The following PCDHGA5 variants were observed in gnomAD, a reference collection of about 807,000 sequenced individuals.
PCDHGA5 encodes protocadherin gamma-A5.
A neutral mutation model predicts 56.7 loss-of-function variants in PCDHGA5; 36 were observed. The ratio of observed to expected loss-of-function variants is 0.64; its 90% CI spans 0.49 to 0.84. The LOEUF (loss-of-function observed/expected upper bound fraction) is 0.84. Among genes scored for constraint, PCDHGA5 ranks in the 40% least tolerant of loss-of-function variants. The pLI is 0.00. For synonymous variants in PCDHGA5, 563 were observed against 520.2 expected (o/e 1.08, Z -1.12); for missense variants, 1,305 against 1,201.5 (o/e 1.09, Z -1.27).
At position 141,433,030 on chromosome 5, in the gene PCDHGA5, T is replaced by C. The variant is rs116611363; in HGVS notation, c.2422-61777T>C. ...TCCTGCAGACCTATTCCCACGAGGTTTCCCTCACCACGGACTCGCGGAAGA... is the reference window on the plus strand; with the variant it reads ...TCCTGCAGACCTATTCCCACGAGGTCTCCCTCACCACGGACTCGCGGAAGA... On this transcript the variant is annotated intron_variant, in intron 1 of 3. Transcript: ENST00000518069. 10,352 of 1,614,096 alleles carry C rather than the reference T, an allele frequency of 6.4e-3. 43 individuals are homozygous for C. The highest frequency in any genetic ancestry group is 8.6e-3 in the Middle Eastern group (52 of 6,062).
chr5:141,490,200 A>G lies in PCDHGA5; in HGVS notation c.2422-4607A>G. 6.2e-6 allele frequency: 10 copies of G among 1,614,198 alleles called. No homozygotes were observed. The highest frequency in any genetic ancestry group is 8.5e-6 in the Non-Finnish European group (10 of 1,180,032). ...AGTCACGTTTCTATGAAATTCATGC[A>G]AGAGCCCGTGACCAGGGACAGCCTG... On this transcript the variant is annotated intron_variant, in intron 1 of 3. Coordinates refer to ENST00000518069, the MANE Select transcript of PCDHGA5 (RefSeq NM_018918.3). The surrounding 1 kb of genome is among the most constrained non-coding windows in gnomAD (Gnocchi z 5.4).
rs1427052612 is a variant in PCDHGA5 at position 141,493,002 on chromosome 5, A to G, written c.2422-1805A>G. Among the ~76,000 whole-genome samples, 4 of 152,246 alleles carry G rather than the reference A, an allele frequency of 2.6e-5. No individual in the cohort carries two copies. The highest frequency in any genetic ancestry group is 2.1e-4 in the South Asian group (1 of 4,832). On this transcript the variant is annotated intron_variant, in intron 1 of 3. Transcript: ENST00000518069. This position sits in a 1 kb window ranked among gnomAD's most constrained non-coding sequence, Gnocchi z 4.3. ...TCTCCTCTGGCAGATGGAAAGCTAT[A>G]GGCTCTGCCAGATGCCAGGGTGCCC... is the stretch of plus-strand genomic sequence containing the variant.
At chr5:141,421,870 G>A in intron 1 of PCDHGA5, 1 of 1,613,758 alleles carries the variant, frequency 6.2e-7, no homozygotes, top group Non-Finnish European at 8.5e-7. Flanking sequence ...CCTCCTCACA[G>A]CTTTAGATGG....
chr5:141,487,467 T>C lies in PCDHGA5; in HGVS notation c.2422-7340T>C. ...GATGACCCTATCAAGTTTGTTGATG[T>C]GGGAGGCCACTCTCATGGCTGTACA... On this transcript the variant is annotated intron_variant, in intron 1 of 3. Transcript: ENST00000518069. The surrounding 1 kb of genome is among the most constrained non-coding windows in gnomAD (Gnocchi z 5.0). 6.2e-7 allele frequency: 1 copy of C among 1,614,186 alleles called. No individual in the cohort carries two copies. The highest frequency in any genetic ancestry group is 8.5e-7 in the Non-Finnish European group (1 of 1,180,026).
chr5:141,384,922 C>T, intron 1 of PCDHGA5: 1 of 1,614,018 alleles, frequency 6.2e-7, no homozygotes, highest in Non-Finnish European at 8.5e-7. Context: ...CTTGGCCGAC[C>T]TGGGCAGCCT....
Position 141,365,477 on chromosome 5 carries a change from G to C in PCDHGA5, c.1147G>C (p.Ala383Pro), listed in dbSNP as rs1313956190. ...TGATTCTGGAGAAAATGGTGAGATT[G>C]CATGCTCTATTCCTAGGAATTTGCC... ...DGDSGENGEIACSIPRNLPFK... is the reference protein window; with the variant it reads ...DGDSGENGEIPCSIPRNLPFK... The change falls in exon 1 of 4, where the codon GCA becomes CCA. Residue 383 changes from alanine to proline, a missense_variant. Physicochemically the swap from Ala to Pro is conservative, Grantham distance 27. Transcript: ENST00000518069. 3.7e-6 allele frequency: 6 copies of C among 1,613,876 alleles called. No individual in the cohort carries two copies. The African/African-American group carries it at 8.0e-5, about 22-fold the overall frequency.
At chr5:141,399,936 C>T (rs1370105984) in intron 1 of PCDHGA5, 2 of 1,612,268 alleles carry the variant, frequency 1.2e-6, no homozygotes, top group Non-Finnish European at 8.5e-7. Flanking sequence ...TGTCCTACCA[C>T]GTGCTGCAGG....
intron 3 of PCDHGA5, among the ~76,000 whole-genome samples, chr5:141,510,660 G>A (rs2099882170): frequency 1.3e-5 from 2 of 152,174 alleles, no homozygotes; most frequent in East Asian, 1.9e-4. Context: ...TTTTGCAGAT[G>A]AGAAAACTGA....
chr5:141,411,299 G>C (rs1020908131), intron 1 of PCDHGA5: 1 of 152,284 alleles, frequency 6.6e-6, no homozygotes, highest in Non-Finnish European at 1.5e-5. Context: ...GACAGGCCCA[G>C]TGGCTCACAC....
Position 141,371,971 on chromosome 5 carries a change from G to A in PCDHGA5, c.2421+5220G>A, listed in dbSNP as rs372239619. On this transcript the variant is annotated intron_variant, in intron 1 of 3. Transcript: ENST00000518069. ...CGAGCCTTCGACCACGAGCAGCTGC[G>A]TGCCTTCGAGCTCACTCTGCAGGCC... 12 of 1,612,438 alleles carry A rather than the reference G, an allele frequency of 7.4e-6. No homozygotes were observed. Among genetic ancestry groups the A allele is most frequent in the African/African-American group, 6.7e-5 (5 of 75,070 alleles).
Position 141,412,905 on chromosome 5 carries a change from A to G in PCDHGA5, c.2421+46154A>G, listed in dbSNP as rs145108034. The stretch of plus-strand genomic sequence containing the variant: ...AACAGAATAGTTTACTTTCCATTGC[A>G]TGTATCACTTGGGTGCAGTAACTTC... On this transcript the variant is annotated intron_variant, in intron 1 of 3. Coordinates refer to ENST00000518069, the MANE Select transcript of PCDHGA5 (RefSeq NM_018918.3). 1.3e-3 allele frequency: 513 copies of G among 382,556 alleles called. 6 individuals are homozygous for G. The East Asian group carries it at 0.015, about 11-fold the overall frequency. 23.7% of individuals were successfully genotyped at this position (382,556 alleles called of 1,614,324 possible).
chr5:141,367,589 A>G (rs1467826707), intron 1 of PCDHGA5: 1 of 152,062 alleles, frequency 6.6e-6, no homozygotes, highest in African/African-American at 2.4e-5. Flanking sequence ...AAAAGTAGAT[A>G]AAATTTATAT....
At position 141,432,579 on chromosome 5, in the gene PCDHGA5, G is replaced by T; in HGVS notation, c.2422-62228G>T. On this transcript the variant is annotated intron_variant, in intron 1 of 3. Coordinates refer to ENST00000518069, the MANE Select transcript of PCDHGA5 (RefSeq NM_018918.3). This position sits in a 1 kb window ranked among gnomAD's most constrained non-coding sequence, Gnocchi z 6.0. ...GGCCAGAACGCCTGGCTGTCCTACC[G>T]TCTGCTCAAGGCCAGCGAGCCGGGA... is the stretch of plus-strand genomic sequence containing the variant. 1 of 1,613,860 alleles carries T rather than the reference G, an allele frequency of 6.2e-7. No homozygotes were observed. Among genetic ancestry groups the T allele is most frequent in the Non-Finnish European group, 8.5e-7 (1 of 1,179,984 alleles).
chr5:141,407,505 T>TTTTTTTTTTTTTTTTTTTTTTTTTTGAG (rs1460306566), intron 1 of PCDHGA5, among the ~76,000 whole-genome samples: 1 of 152,146 alleles, frequency 6.6e-6, no homozygotes, highest in Non-Finnish European at 1.5e-5. Context: ...CTGTTTTTCT[T>TTTTTTTTTTTTTTTTTTTTTTTTTTGAG]AGGCTATGTA....
intron 1 of PCDHGA5, among the ~76,000 whole-genome samples, chr5:141,430,346 C>G (rs1191705310): frequency 6.8e-6 from 1 of 148,074 alleles, no homozygotes; most frequent in Non-Finnish European, 1.5e-5. Context: ...ACTTCCAATT[C>G]ATTTAAAAGC....
intron 2 of PCDHGA5, among the ~76,000 whole-genome samples, chr5:141,499,301 TC>T (rs771049830): frequency 6.6e-6 from 1 of 152,166 alleles, no homozygotes; most frequent in Non-Finnish European, 1.5e-5. Context: ...CTACCATCCC[TC>T]CTCTGAGAGA....
At chr5:141,396,410 G>C (rs2093377441) in intron 1 of PCDHGA5, 1 of 152,250 alleles carries the variant, frequency 6.6e-6, no homozygotes, top group Non-Finnish European at 1.5e-5. Context: ...CCTGAGGTCA[G>C]GAGTTCAAGA....
intron 1 of PCDHGA5, chr5:141,416,636 C>A (rs2096047139): frequency 6.6e-6 from 1 of 152,066 alleles, no homozygotes; most frequent in South Asian, 2.1e-4. Context: ...AATATAAACA[C>A]CAACCACAGC....
chr5:141,494,316 G>T (rs2099753509), intron 1 of PCDHGA5, among the ~76,000 whole-genome samples: 1 of 152,172 alleles, frequency 6.6e-6, no homozygotes, highest in Admixed American at 6.5e-5. Flanking sequence ...TGCACAACCT[G>T]GCACCAAAAG....
Sources: gnomAD v4.1 joint callset for allele counts (sites outside exome capture counted in the v4.1 genomes callset) on GRCh38, gnomAD v4.1.1 for gene constraint, Gnocchi (gnomAD v3.1) non-coding constraint, MANE v1.5 for transcripts, NCBI Gene and HGNC (gene_info 2026-07-23, HGNC 2026-07-21) for gene names.